RANBP3: variants seen among roughly 807,000 people sequenced by gnomAD.
The protein encoded by RANBP3 is RAN binding protein 3.
RANBP3 carries 14 observed loss-of-function variants against 77.3 expected under a neutral mutation model. The ratio of observed to expected loss-of-function variants is 0.18; its 90% CI spans 0.12 to 0.28. The LOEUF is 0.28. Among genes scored for constraint, RANBP3 ranks in the 10% least tolerant of loss-of-function variants. The pLI, the probability that RANBP3 is intolerant of heterozygous loss-of-function variation, is 1.00. For missense variants in RANBP3, 586 were observed against 752.3 expected, an observed-to-expected ratio of 0.78 and a Z score of 2.59; for synonymous variants, 315 against 312.4, an observed-to-expected ratio of 1.01 and a Z score of -0.09.
At chr19:5,961,626 A>G (rs2058403367) in intron 1 of RANBP3, among the ~76,000 whole-genome samples, 1 of 152,048 alleles carries the variant, frequency 6.6e-6, no homozygotes. Flanking sequence ...CCAGCTACTC[A>G]AGAGGCTGAG....
Position 5,917,470 on chromosome 19 carries a change from G to T in RANBP3, c.*140C>A. On this transcript the variant is annotated 3_prime_UTR_variant, in exon 17 of 17. Coordinates refer to ENST00000340578, the MANE Select transcript of RANBP3 (RefSeq NM_007322.3). The stretch of plus-strand genomic sequence containing the variant: ...CCGAGTCTGCTTTTGAACAGGACGT[G>T]CGGGTCCAGACTGTGGCCGGCCCAG... 1.1e-6 allele frequency: 1 copy of T among 925,074 alleles called. No individual in the cohort carries two copies. The highest frequency in any genetic ancestry group is 1.6e-6 in the Non-Finnish European group (1 of 630,068). 57.3% of individuals were successfully genotyped at this position (925,074 alleles called of 1,614,324 possible). A position where few individuals can be genotyped will look rare whatever the true frequency, so the allele number is the denominator to read the frequency against.
intron 3 of RANBP3, among the ~76,000 whole-genome samples, chr19:5,948,005 G>A (rs1320598778): frequency 6.6e-6 from 1 of 152,136 alleles, no homozygotes. Flanking sequence ...TGTCTGGTGT[G>A]TCCTCGGTGC....
At chr19:5,932,660 G>C (rs2058009478) in intron 6 of RANBP3, 116 bp from the exon 7 acceptor site, 3 of 736,312 alleles carry the variant, frequency 4.1e-6, no homozygotes, top group South Asian at 3.5e-5. Flanking sequence ...ACTTTGCAGG[G>C]AAGCACTTTT....
intron 6 of RANBP3, 88 bp downstream of exon 6, chr19:5,933,326 C>T (rs2058020411): frequency 3.7e-6 from 4 of 1,072,544 alleles, no homozygotes; most frequent in South Asian, 1.6e-5. Flanking sequence ...AGAAAGCAGG[C>T]TGAGCCCGCG....
intron 1 of RANBP3, among the ~76,000 whole-genome samples, chr19:5,972,224 T>A (rs551004642): frequency 6.6e-6 from 1 of 152,208 alleles, no homozygotes; most frequent in Non-Finnish European, 1.5e-5. Context: ...CCATCTCCAA[T>A]GGTGCAGCCC....
chr19:5,928,093 A>G lies in RANBP3; in HGVS notation c.694-6T>C. ...TTTTTCTGGGGCTCTTTCTCCTATC[A>G]AAAACCAAAACAAAACAGAGTAATC... On this transcript the variant is annotated splice_region_variant and splice_polypyrimidine_tract_variant and intron_variant, in intron 8 of 16. Coordinates refer to ENST00000340578, the MANE Select transcript of RANBP3 (RefSeq NM_007322.3). The G allele has an allele frequency of 6.2e-7, 1 of 1,606,676 alleles. No individual in the cohort carries two copies. Among genetic ancestry groups the G allele is most frequent in the Non-Finnish European group, 8.5e-7 (1 of 1,177,806 alleles).
chr19:5,918,150 C>T (rs1221660658), intron 15 of RANBP3, among the ~76,000 whole-genome samples, 170 bp from the exon 16 acceptor site: 2 of 152,238 alleles, frequency 1.3e-5, no homozygotes, highest in African/African-American at 2.4e-5. Flanking sequence ...GATGCCACCA[C>T]TCCCAGGTGG....
At chr19:5,951,683 G>A (rs528664503) in intron 2 of RANBP3, 87 bp from the exon 3 acceptor site, 3 of 1,243,130 alleles carry the variant, frequency 2.4e-6, no homozygotes, top group African/African-American at 1.5e-5. Flanking sequence ...AGAGGCTGGA[G>A]CTGGCTCAGC....
intron 7 of RANBP3, 81 bp downstream of exon 7, chr19:5,932,370 GC>G: frequency 9.3e-7 from 1 of 1,079,584 alleles, no homozygotes; most frequent in Non-Finnish European, 1.4e-6. Flanking sequence ...CACCTCTGTC[GC>G]AACACTGCTG....
chr19:5,932,407 C>T, intron 7 of RANBP3, 45 bp downstream of exon 7: 2 of 1,559,160 alleles, frequency 1.3e-6, no homozygotes, highest in Non-Finnish European at 1.8e-6. Flanking sequence ...CGGGAACGCT[C>T]TACCCTGCCG....
At chr19:5,946,109 T>C (rs1320484695) in intron 3 of RANBP3, among the ~76,000 whole-genome samples, 2 of 152,222 alleles carry the variant, frequency 1.3e-5, no homozygotes, top group African/African-American at 4.8e-5. Context: ...TCCAGGTCCC[T>C]GCGTGTCTGA....
At chr19:5,919,041 G>A (rs1210422385) in intron 14 of RANBP3, among the ~76,000 whole-genome samples, 1 of 152,180 alleles carries the variant, frequency 6.6e-6, no homozygotes, top group African/African-American at 2.4e-5. Context: ...TGACACTCAA[G>A]GTGCATGCGC....
At chr19:5,919,582 G>A (rs2057790536) in intron 14 of RANBP3, among the ~76,000 whole-genome samples, 1 of 152,168 alleles carries the variant, frequency 6.6e-6, no homozygotes, top group Non-Finnish European at 1.5e-5. Context: ...ACATTTCCAC[G>A]AGACAAAAGG....
chr19:5,919,192 G>T (rs966143073), intron 14 of RANBP3, among the ~76,000 whole-genome samples: 1 of 152,232 alleles, frequency 6.6e-6, no homozygotes, highest in Non-Finnish European at 1.5e-5. Context: ...ATGGAGAGGA[G>T]ACGAGAGGAC....
chr19:5,974,654 AC>A (rs376742106), intron 1 of RANBP3, among the ~76,000 whole-genome samples: 1 of 152,216 alleles, frequency 6.6e-6, no homozygotes, highest in African/African-American at 2.4e-5. Context: ...AAGATGCTTT[AC>A]ACAACAGAAA....
rs754036821 is a variant in RANBP3, at chr19:5,931,498, G to A, written c.599C>T (p.Pro200Leu). ...GGGCACTGCCCCCGTGCAGTCTGCT[G>A]GGAGGCTGACCCCGTTGGTGCCACT... ...PSSGTNGVSLPADCTGAVPAA... is the reference protein window; with the variant it reads ...PSSGTNGVSLLADCTGAVPAA... Residue 200 changes from proline to leucine, a missense_variant, in exon 8 of 17, where the codon CCA becomes CTA. This residue lies in a region of RANBP3 where 232 missense variants were observed against 271.7 expected (regional missense o/e 0.85). Transcript: ENST00000340578. 4 of 1,612,182 alleles carry A rather than the reference G, an allele frequency of 2.5e-6. No individual in the cohort carries two copies. The highest frequency in any genetic ancestry group is 1.7e-4 in the Middle Eastern group (1 of 6,058).
At chr19:5,953,597 G>A (rs2058300306) in intron 2 of RANBP3, among the ~76,000 whole-genome samples, 1 of 152,206 alleles carries the variant, frequency 6.6e-6, no homozygotes, top group East Asian at 1.9e-4. Context: ...TGGAGAGAGA[G>A]CAACTGAAAG....
At chr19:5,919,919 A>C (rs2057795930) in intron 14 of RANBP3, among the ~76,000 whole-genome samples, 1 of 139,524 alleles carries the variant, frequency 7.2e-6, no homozygotes, top group East Asian at 2.1e-4. Flanking sequence ...AAAAAAAAAG[A>C]CGTCCATGGG....
At position 5,932,477 on chromosome 19, in the gene RANBP3, C is replaced by T. The variant is rs761686180; in HGVS notation, c.540G>A (p.Pro180=). Residue 180 remains proline, a synonymous_variant, in exon 7 of 17, where the codon CCG becomes CCA. Transcript: ENST00000340578. ...CAGTCTGGGACAGCGCCTTTGGCTG[C>T]GGAGCTTGTAACACTGCCGGGCGAA... is the stretch of plus-strand genomic sequence containing the variant. ...SVLRPAVLQA[P]QPKALSQTVP... 159 of 1,613,726 alleles carry T rather than the reference C, an allele frequency of 9.9e-5. 1 individual carries two copies. The highest frequency in any genetic ancestry group is 8.2e-4 in the South Asian group (75 of 91,086).
Sources: allele counts gnomAD v4.1 joint callset (sites outside exome capture counted in the v4.1 genomes callset), GRCh38; gene constraint gnomAD v4.1.1; regional missense constraint gnomAD v4.1.1; transcripts MANE v1.5; gene names NCBI Gene and HGNC (gene_info 2026-07-23, HGNC 2026-07-21).